LUC7L: variants seen among roughly 807,000 people sequenced by gnomAD.
The protein encoded by LUC7L is LUC7 like, also known as putative RNA-binding protein Luc7-like 1.
LUC7L carries 29 observed loss-of-function variants against 51.1 expected under a neutral mutation model. That is an observed-to-expected ratio of 0.57 (90% CI 0.42 to 0.77). LUC7L has a LOEUF of 0.77. Among genes scored for constraint, LUC7L ranks in the 30% least tolerant of loss-of-function variants. The probability of loss-of-function intolerance (pLI) is 0.00; values close to 1 mark genes in which losing one functional copy is unlikely to be tolerated. For synonymous variants in LUC7L, 181 were observed against 180.7 expected (o/e 1.00, Z -0.01); for missense variants, 403 against 511.9 (o/e 0.79, Z 2.05).
At chr16:199,324 G>A (rs2049252729) in intron 5 of LUC7L, 86 bp from the exon 6 acceptor site, 1 of 828,516 alleles carries the variant, frequency 1.2e-6, no homozygotes, top group African/African-American at 1.7e-5. Context: ...TATTTGATAA[G>A]ATGACAGAGG....
At chr16:212,466 C>A (rs1450991767) in intron 3 of LUC7L, among the ~76,000 whole-genome samples, 3 of 152,074 alleles carry the variant, frequency 2.0e-5, no homozygotes, top group Non-Finnish European at 4.4e-5. Context: ...CATCGTCAGC[C>A]CAGTTTATAG....
At chr16:200,401 G>C (rs939727738) in intron 5 of LUC7L, among the ~76,000 whole-genome samples, 2 of 145,620 alleles carry the variant, frequency 1.4e-5, no homozygotes, top group African/African-American at 2.5e-5. Context: ...GAAAGAGCGA[G>C]ACTCCGTCTC....
intron 2 of LUC7L, among the ~76,000 whole-genome samples, chr16:225,627 C>T (rs1443313547): frequency 6.7e-6 from 1 of 150,164 alleles, no homozygotes; most frequent in African/African-American, 2.4e-5. Flanking sequence ...GCTGGGATTA[C>T]AGGCATGCGC....
At chr16:228,366 T>C (rs1368821705) in intron 1 of LUC7L, 1 of 1,303,968 alleles carries the variant, frequency 7.7e-7, no homozygotes, top group East Asian at 5.5e-5. Context: ...TGCAACTCCC[T>C]TGCAGATTGA....
intron 7 of LUC7L, among the ~76,000 whole-genome samples, chr16:192,450 C>T (rs1457594633): frequency 6.6e-6 from 1 of 151,950 alleles, no homozygotes; most frequent in Non-Finnish European, 1.5e-5. Context: ...CACACACAGT[C>T]CTGCGCTGGG....
intron 4 of LUC7L, 34 bp from the exon 5 acceptor site, chr16:206,181 T>C (rs2049479567): frequency 6.3e-7 from 1 of 1,596,450 alleles, no homozygotes; most frequent in Non-Finnish European, 8.5e-7. Flanking sequence ...AGCAGACATC[T>C]GAAAATGAAA....
chr16:217,802 G>GC (rs1294251087), intron 3 of LUC7L, among the ~76,000 whole-genome samples: 1 of 151,936 alleles, frequency 6.6e-6, no homozygotes, highest in Non-Finnish European at 1.5e-5. Context: ...ACTTTGGGAG[G>GC]CCAAGGCAGG....
chr16:204,900 A>C (rs962645619), intron 5 of LUC7L, among the ~76,000 whole-genome samples: 1 of 152,174 alleles, frequency 6.6e-6, no homozygotes, highest in Non-Finnish European at 1.5e-5. Flanking sequence ...AAAAACGCCT[A>C]GGAACCCTGT....
intron 2 of LUC7L, among the ~76,000 whole-genome samples, 157 bp downstream of exon 2, chr16:227,085 T>G (rs534486755): frequency 6.6e-6 from 1 of 152,272 alleles, no homozygotes; most frequent in East Asian, 1.9e-4. Flanking sequence ...CATGCATGCA[T>G]GCAAACATAC....
At position 210,577 on chromosome 16, in the gene LUC7L, T is replaced by C. The variant is rs141562412; in HGVS notation, c.256-2389A>G. On this transcript the variant is annotated intron_variant, in intron 3 of 9. Coordinates refer to ENST00000293872, the MANE Select transcript of LUC7L (RefSeq NM_201412.3). Reference sequence around the variant, plus strand: ...CAGGTTCACCCACACAGTGGCCCTGTACTGTCTGCTCAAGCTGAGCAATCA... The same window carrying C: ...CAGGTTCACCCACACAGTGGCCCTGCACTGTCTGCTCAAGCTGAGCAATCA... Among the ~76,000 whole-genome samples, 188 of 152,258 alleles carry C rather than the reference T, an allele frequency of 1.2e-3. 3 individuals are homozygous for C. The South Asian group carries it at 0.023, about 19-fold the overall frequency.
In LUC7L at chr16:212,318, C is replaced by CG. The variant is rs150082646; in HGVS notation, c.256-4131dup. ...CAAAAAACACAGCCGCAGAGGAGCTCGTCGGGTCTCCATTGCATGGATGAT... is the reference window on the plus strand; with the variant it reads ...CAAAAAACACAGCCGCAGAGGAGCTCGGTCGGGTCTCCATTGCATGGATGAT... On this transcript the variant is annotated intron_variant, in intron 3 of 9. Coordinates refer to ENST00000293872, the MANE Select transcript of LUC7L (RefSeq NM_201412.3). Among the ~76,000 whole-genome samples, 838 of 152,184 alleles carry CG rather than the reference C, an allele frequency of 5.5e-3. 12 individuals are homozygous for CG. Among genetic ancestry groups the CG allele is most frequent in the African/African-American group, 0.019 (788 of 41,532 alleles).
chr16:200,997 G>A (rs1406910652), intron 5 of LUC7L, among the ~76,000 whole-genome samples: 1 of 151,456 alleles, frequency 6.6e-6, no homozygotes, highest in African/African-American at 2.4e-5. Flanking sequence ...GTGAAACCCC[G>A]TCTCTATTAA....
intron 9 of LUC7L, chr16:189,641 A>T (rs1023581333): frequency 3.0e-6 from 4 of 1,325,452 alleles, no homozygotes; most frequent in East Asian, 2.7e-5. Context: ...TGGAAAAAAA[A>T]ATATCAAAAA....
At chr16:200,626 A>C (rs905054817) in intron 5 of LUC7L, among the ~76,000 whole-genome samples, 1 of 152,094 alleles carries the variant, frequency 6.6e-6, no homozygotes, top group Non-Finnish European at 1.5e-5. Context: ...TCACACCTAT[A>C]ATCTCAGCAC....
intron 5 of LUC7L, 148 bp from the exon 6 acceptor site, chr16:199,386 A>T (rs2049254049): frequency 1.6e-6 from 1 of 614,540 alleles, no homozygotes; most frequent in African/African-American, 1.9e-5. Context: ...AGATATTTAT[A>T]ACCAACTCAA....
intron 3 of LUC7L, among the ~76,000 whole-genome samples, chr16:213,729 A>C (rs1455279480): frequency 1.3e-5 from 2 of 149,610 alleles, no homozygotes; most frequent in Admixed American, 1.3e-4. Context: ...TTTTTTCTTT[A>C]TTTGAGACCA....
chr16:228,882 C>G, intron 1 of LUC7L: 1 of 1,321,234 alleles, frequency 7.6e-7, no homozygotes, highest in Non-Finnish European at 9.9e-7. Flanking sequence ...TCGGGTGTAG[C>G]TTCTTCCCAA....
intron 6 of LUC7L, 141 bp downstream of exon 6, chr16:198,921 T>G: frequency 1.5e-6 from 1 of 669,394 alleles, no homozygotes; most frequent in Non-Finnish European, 2.3e-6. Flanking sequence ...CTCAGGTGAT[T>G]CGCCCACCTC....
chr16:198,278 CAAAAAAAAAAA>C (rs35125597), intron 6 of LUC7L, among the ~76,000 whole-genome samples: 5 of 49,260 alleles, frequency 1.0e-4, no homozygotes, highest in Admixed American at 3.7e-4. Flanking sequence ...GACTCCATCT[CAAAAAAAAAAA>C]AAAAAAAAAA....
Sources: gnomAD v4.1 joint callset for allele counts (sites outside exome capture counted in the v4.1 genomes callset) on GRCh38, gnomAD v4.1.1 for gene constraint, MANE v1.5 for transcripts, NCBI Gene and HGNC (gene_info 2026-07-23, HGNC 2026-07-21) for gene names.